Variants in TNFAIP8L1 observed in about 807,000 individuals in gnomAD.
TNFAIP8L1 encodes the protein tumor necrosis factor alpha-induced protein 8-like protein 1.
For synonymous variants in TNFAIP8L1, 127 were observed against 125.6 expected (o/e 1.01, Z -0.08); for missense variants, 225 against 266.1 (o/e 0.85, Z 1.08).
intron 1 of TNFAIP8L1, chr19:4,640,866 A>T (rs2088254002): frequency 6.6e-6 from 1 of 152,582 alleles, no homozygotes; most frequent in South Asian, 2.1e-4. Context: ...AAGGGCTGGG[A>T]GGGGCAGAGG....
rs116376601 is a variant in TNFAIP8L1, at chr19:4,643,342, G to A, written c.-4+3713G>A. Among the ~76,000 whole-genome samples the A allele has an allele frequency of 3.8e-3, 582 of 152,052 alleles. 2 individuals carry two copies. The highest frequency in any genetic ancestry group is 0.014 in the African/African-American group (573 of 41,464). ...AGGGGCTGGATGCACCTCCTGCCAGGTGATCCTAGGCTTCTCTGCACTCTA... is the reference window on the plus strand; with the variant it reads ...AGGGGCTGGATGCACCTCCTGCCAGATGATCCTAGGCTTCTCTGCACTCTA... On this transcript the variant is annotated intron_variant, in intron 1 of 1. Transcript: ENST00000327473.
chr19:4,640,560 C>T (rs1599820832), intron 1 of TNFAIP8L1: 1 of 152,300 alleles, frequency 6.6e-6, no homozygotes, highest in Non-Finnish European at 1.5e-5. Context: ...TTTTTCAATT[C>T]TGCGGAGCCT....
chr19:4,652,836 G>A lies in TNFAIP8L1; in HGVS notation c.*406G>A. 4.8e-6 allele frequency: 1 copy of A among 208,136 alleles called. No individual in the cohort carries two copies. The highest frequency in any genetic ancestry group is 1.0e-5 in the Non-Finnish European group (1 of 95,894). The allele number at this position is 208,136 out of a possible 1,614,324, so 12.9% of individuals were successfully genotyped here. ...GGGTTCACACGGTGAACTGGGGGAAGGGAAGTGTTAGGGGGCAAGTCGCGG... is the reference window on the plus strand; with the variant it reads ...GGGTTCACACGGTGAACTGGGGGAAAGGAAGTGTTAGGGGGCAAGTCGCGG... On this transcript the variant is annotated 3_prime_UTR_variant, in exon 2 of 2. Coordinates refer to ENST00000327473, the MANE Select transcript of TNFAIP8L1 (RefSeq NM_152362.3).
intron 1 of TNFAIP8L1, 113 bp downstream of exon 1, chr19:4,639,742 A>G (rs1482709604): frequency 2.0e-5 from 3 of 152,332 alleles, no homozygotes; most frequent in Admixed American, 6.5e-5. Flanking sequence ...CTGTCCGTCT[A>G]CATTCCTGCC....
intron 1 of TNFAIP8L1, among the ~76,000 whole-genome samples, chr19:4,646,942 C>A (rs981544679): frequency 1.3e-5 from 2 of 152,184 alleles, no homozygotes; most frequent in Non-Finnish European, 2.9e-5. Context: ...CTGAACATTT[C>A]ATAGAAGTGG....
At chr19:4,649,672 G>C (rs2145171557) in intron 1 of TNFAIP8L1, among the ~76,000 whole-genome samples, 1 of 152,334 alleles carries the variant, frequency 6.6e-6, no homozygotes, top group South Asian at 2.1e-4. Flanking sequence ...TGCAAAACAG[G>C]CAACCTGCCT....
chr19:4,650,209 G>T (rs1000651111), intron 1 of TNFAIP8L1, among the ~76,000 whole-genome samples: 4 of 152,142 alleles, frequency 2.6e-5, no homozygotes, highest in African/African-American at 9.7e-5. Context: ...GAGCAATGGG[G>T]ATGCCTGGGG....
chr19:4,644,377 C>CA lies in TNFAIP8L1; in HGVS notation c.-4+4766dup, dbSNP rs527729094. Among the ~76,000 whole-genome samples, 568 of 121,862 alleles carry CA rather than the reference C, an allele frequency of 4.7e-3. 3 individuals are homozygous for CA. Among genetic ancestry groups the CA allele is most frequent in the Middle Eastern group, 0.013 (3 of 240 alleles). 79.9% of individuals were successfully genotyped at this position (121,862 alleles called of 152,430 possible). ...CAACATAGCAAGACGCCATGTCTACCAAAAAAAAAAAAAAAAAATTAACCA... is the reference window on the plus strand; with the variant it reads ...CAACATAGCAAGACGCCATGTCTACCAAAAAAAAAAAAAAAAAAATTAACCA... On this transcript the variant is annotated intron_variant, in intron 1 of 1. Transcript: ENST00000327473.
intron 1 of TNFAIP8L1, among the ~76,000 whole-genome samples, chr19:4,647,905 G>A (rs1347159039): frequency 6.6e-6 from 1 of 152,066 alleles, no homozygotes; most frequent in Non-Finnish European, 1.5e-5. Flanking sequence ...TGGGATTACA[G>A]GTGTGAGCCA....
In TNFAIP8L1 at chr19:4,653,294, ACT is replaced by A. The variant is rs1229372003; in HGVS notation, c.*867_*868del. 1.2e-5 allele frequency: 2 copies of A among 165,584 alleles called. No individual in the cohort carries two copies. Among genetic ancestry groups the A allele is most frequent in the South Asian group, 2.1e-4 (1 of 4,780 alleles). 10.3% of individuals were successfully genotyped at this position (165,584 alleles called of 1,614,324 possible). On this transcript the variant is annotated 3_prime_UTR_variant, in exon 2 of 2. Transcript: ENST00000327473. ...ACTCCAGCCTGGGTGACAGAGCAAGACTCTGTCTCAAAAAAAGAAGCGGGGGA... is the reference window on the plus strand; with the variant it reads ...ACTCCAGCCTGGGTGACAGAGCAAGACTGTCTCAAAAAAAGAAGCGGGGGA...
At chr19:4,648,300 C>T (rs1272962346) in intron 1 of TNFAIP8L1, among the ~76,000 whole-genome samples, 1 of 152,230 alleles carries the variant, frequency 6.6e-6, no homozygotes, top group Non-Finnish European at 1.5e-5. Context: ...CCTAGGAAGG[C>T]CCCTGCCCTG....
In TNFAIP8L1 at chr19:4,652,550, C is replaced by G; in HGVS notation, c.*120C>G. ...CCAATCGGACTCCGGCCAAACTCCC[C>G]TAGACAGATGGGTGACCTGTCTCCT... On this transcript the variant is annotated 3_prime_UTR_variant, in exon 2 of 2. Transcript: ENST00000327473. 1 of 989,750 alleles carries G rather than the reference C, an allele frequency of 1.0e-6. No homozygotes were observed. The highest frequency in any genetic ancestry group is 1.5e-6 in the Non-Finnish European group (1 of 689,012). The allele number at this position is 989,750 out of a possible 1,614,324, so 61.3% of individuals were successfully genotyped here.
chr19:4,645,944 G>A lies in TNFAIP8L1; in HGVS notation c.-3-5923G>A, dbSNP rs2088306434. Among the ~76,000 whole-genome samples, 1 of 151,984 alleles carries A rather than the reference G, an allele frequency of 6.6e-6. No individual in the cohort carries two copies. The highest frequency in any genetic ancestry group is 2.1e-4 in the South Asian group (1 of 4,826). On this transcript the variant is annotated intron_variant, in intron 1 of 1. Coordinates refer to ENST00000327473, the MANE Select transcript of TNFAIP8L1 (RefSeq NM_152362.3). This position sits in a 1 kb window ranked among gnomAD's most constrained non-coding sequence, Gnocchi z 4.1. ...GACACAGCCCTGCCCCAGGGCCTTT[G>A]CACAGGCTGTGCCCTTTGCCTGGAG... is the stretch of plus-strand genomic sequence containing the variant.
chr19:4,654,979 G>GAGAC lies in TNFAIP8L1; in HGVS notation c.*2549_*2550insAGAC, dbSNP rs2088410145. On this transcript the variant is annotated 3_prime_UTR_variant, in exon 2 of 2. Transcript: ENST00000327473. ...GTGGGCCTTACTTGGTGAGAAGGTA[G>GAGAC]GTCTAGCTGGCTCCATTCAGTATTT... is the stretch of plus-strand genomic sequence containing the variant. 1 of 152,216 alleles carries GAGAC rather than the reference G, an allele frequency of 6.6e-6. No individual in the cohort carries two copies. Among genetic ancestry groups the GAGAC allele is most frequent in the Non-Finnish European group, 1.5e-5 (1 of 68,054 alleles). The allele number at this position is 152,216 out of a possible 1,614,324, so 9.4% of individuals were successfully genotyped here. A position where few individuals can be genotyped will look rare whatever the true frequency, so the allele number is the denominator to read the frequency against.
In TNFAIP8L1 at chr19:4,652,745, C is replaced by T. The variant is rs898787554; in HGVS notation, c.*315C>T. The T allele has an allele frequency of 2.4e-5, 8 of 336,556 alleles. No individual in the cohort carries two copies. Among genetic ancestry groups the T allele is most frequent in the Non-Finnish European group, 4.0e-5 (7 of 177,196 alleles). 20.8% of individuals were successfully genotyped at this position (336,556 alleles called of 1,614,324 possible). On this transcript the variant is annotated 3_prime_UTR_variant, in exon 2 of 2. Transcript: ENST00000327473. ...ACCCCTGGGTCGCTTGATGTAAAAGCCAAAAGCTGCTGCCTCCCACTTGGA... is the reference window on the plus strand; with the variant it reads ...ACCCCTGGGTCGCTTGATGTAAAAGTCAAAAGCTGCTGCCTCCCACTTGGA...
chr19:4,652,938 C>T lies in TNFAIP8L1; in HGVS notation c.*508C>T, dbSNP rs1262262316. 1 of 169,624 alleles carries T rather than the reference C, an allele frequency of 5.9e-6. No homozygotes were observed. Among genetic ancestry groups the T allele is most frequent in the East Asian group, 1.9e-4 (1 of 5,236 alleles). The allele number at this position is 169,624 out of a possible 1,614,324, so 10.5% of individuals were successfully genotyped here. On this transcript the variant is annotated 3_prime_UTR_variant, in exon 2 of 2. Coordinates refer to ENST00000327473, the MANE Select transcript of TNFAIP8L1 (RefSeq NM_152362.3). ...ATCTGATTTGGAAATAGGATCATTACAGATGGAATTAGTTCAGATGATCTC... is the reference window on the plus strand; with the variant it reads ...ATCTGATTTGGAAATAGGATCATTATAGATGGAATTAGTTCAGATGATCTC...
rs374967456 is a variant in TNFAIP8L1 at position 4,648,601 on chromosome 19, G to C, written c.-3-3266G>C. ...ATCCCTCTTCCTGTTGGCCTTGCAG[G>C]GGGCGGGGGTTGCTCTTGGGAGCCC... On this transcript the variant is annotated intron_variant, in intron 1 of 1. Transcript: ENST00000327473. 1.2e-3 allele frequency among the ~76,000 whole-genome samples: 188 copies of C among 152,326 alleles called. 3 individuals carry two copies. Among genetic ancestry groups the C allele is most frequent in the African/African-American group, 4.4e-3 (182 of 41,584 alleles).
chr19:4,652,350 G>C lies in TNFAIP8L1; in HGVS notation c.481G>C (p.Gly161Arg), dbSNP rs149894858. ...CTGCGACTTCCTGGCTGCGCTCTAC[G>C]GCCCCGCCGAGCCCTACCGCTCCCA... is the stretch of plus-strand genomic sequence containing the variant. The part of the protein sequence containing the change: ...ADCDFLAALY[G>R]PAEPYRSHLR... Residue 161 changes from glycine (G) to arginine (R), a missense_variant, in exon 2 of 2, where the codon GGC becomes CGC. Gly to Arg is a moderately radical substitution (Grantham distance 125, BLOSUM62 -2). Coordinates refer to ENST00000327473, the MANE Select transcript of TNFAIP8L1 (RefSeq NM_152362.3). 1.9e-6 allele frequency: 3 copies of C among 1,551,058 alleles called. No individual in the cohort carries two copies. Among genetic ancestry groups the C allele is most frequent in the South Asian group, 1.2e-5 (1 of 84,726 alleles).
chr19:4,652,519 T>C lies in TNFAIP8L1; in HGVS notation c.*89T>C, dbSNP rs1323424000. ...GGTTTGTGGGTTTTTTTCCACCTCT[T>C]TTCTCCCAATCGGACTCCGGCCAAA... On this transcript the variant is annotated 3_prime_UTR_variant, in exon 2 of 2. Coordinates refer to ENST00000327473, the MANE Select transcript of TNFAIP8L1 (RefSeq NM_152362.3). 1.5e-6 allele frequency: 2 copies of C among 1,319,444 alleles called. No homozygotes were observed. Among genetic ancestry groups the C allele is most frequent in the Non-Finnish European group, 2.0e-6 (2 of 983,974 alleles). The allele number at this position is 1,319,444 out of a possible 1,614,324, so 81.7% of individuals were successfully genotyped here.
Sources: allele counts gnomAD v4.1 joint callset (sites outside exome capture counted in the v4.1 genomes callset), GRCh38; gene constraint gnomAD v4.1.1; non-coding constraint Gnocchi (gnomAD v3.1); transcripts MANE v1.5; gene names NCBI Gene and HGNC (gene_info 2026-07-23, HGNC 2026-07-21).